Variants in EFR3A observed in about 807,000 individuals in gnomAD.
EFR3A encodes protein EFR3 homolog A.
EFR3A carries 76 observed loss-of-function variants against 104.4 expected under a neutral mutation model. The ratio of observed to expected loss-of-function variants is 0.73; its 90% confidence interval spans 0.60 to 0.88. The LOEUF (loss-of-function observed/expected upper bound fraction) is 0.88. Ranked by LOEUF, EFR3A falls within the 40% of genes least tolerant of loss-of-function variation. The pLI, the probability that EFR3A is intolerant of heterozygous loss-of-function variation, is 0.00. For missense variants in EFR3A, 985 were observed against 1,012.5 expected (o/e 0.97, Z 0.37); for synonymous variants, 330 against 330.0 (o/e 1.00, Z 0.00).
rs1586694833 is a variant in EFR3A at position 132,011,843 on chromosome 8, C to A, written c.*948C>A. The A allele has an allele frequency of 6.6e-6, 1 of 152,160 alleles. No individual in the cohort carries two copies. Among genetic ancestry groups the A allele is most frequent in the East Asian group, 1.9e-4 (1 of 5,194 alleles). The allele number at this position is 152,160 out of a possible 1,614,324, so 9.4% of individuals were successfully genotyped here. On this transcript the variant is annotated 3_prime_UTR_variant, in exon 23 of 23. Coordinates refer to ENST00000254624, the MANE Select transcript of EFR3A (RefSeq NM_015137.6). ...TTTAAATCCTCATAGTCAAAAAATTCTCCAGATGGACTTTTAATTTGTAAG... is the reference window on the plus strand; with the variant it reads ...TTTAAATCCTCATAGTCAAAAAATTATCCAGATGGACTTTTAATTTGTAAG...
intron 8 of EFR3A, among the ~76,000 whole-genome samples, chr8:131,963,961 A>T (rs560260825): frequency 1.3e-5 from 2 of 152,320 alleles, no homozygotes. Flanking sequence ...ACAGAACCAA[A>T]GACAAAAACC....
intron 3 of EFR3A, among the ~76,000 whole-genome samples, 185 bp from the exon 4 acceptor site, chr8:131,946,298 A>T (rs1015311848): frequency 6.6e-6 from 1 of 152,084 alleles, no homozygotes; most frequent in African/African-American, 2.4e-5. Flanking sequence ...CGATAAAAGG[A>T]TTATTTTATA....
At chr8:131,993,866 G>GTGGGAGCTGAATGA (rs1215536749) in intron 18 of EFR3A, among the ~76,000 whole-genome samples, 2 of 152,136 alleles carry the variant, frequency 1.3e-5, no homozygotes, top group African/African-American at 4.8e-5. Context: ...TCACTTGTAA[G>GTGGGAGCTGAATGA]TGGGAGCTGA....
At position 132,002,608 on chromosome 8, in the gene EFR3A, A is replaced by C; in HGVS notation, c.2212A>C (p.Ser738Arg). The change falls in exon 21 of 23, where the codon AGT becomes CGT. Residue 738 changes from serine to arginine, a missense_variant. Transcript: ENST00000254624. ...FEALKKAIDT[S>R]GMEEQEKEKR... ...CTTTATAAATATTTGTATAGATACC[A>C]GTGGAATGGAAGAACAGGAAAAGGA... 6.2e-7 allele frequency: 1 copy of C among 1,611,166 alleles called. No individual in the cohort carries two copies.
chr8:131,990,850 A>AT (rs1312310897), intron 18 of EFR3A, among the ~76,000 whole-genome samples: 7 of 152,088 alleles, frequency 4.6e-5, no homozygotes. Flanking sequence ...AAAGCCAGGG[A>AT]TTTTGTCCAG....
intron 1 of EFR3A, among the ~76,000 whole-genome samples, chr8:131,923,460 A>G (rs1421931305): frequency 1.3e-5 from 2 of 149,194 alleles, no homozygotes; most frequent in Non-Finnish European, 1.5e-5. Context: ...CTCTGTATAA[A>G]CTTCACGGCC....
chr8:131,953,448 C>T (rs1297463085), intron 5 of EFR3A, among the ~76,000 whole-genome samples: 1 of 151,996 alleles, frequency 6.6e-6, no homozygotes, highest in African/African-American at 2.4e-5. Flanking sequence ...GTGTTCAGAA[C>T]AGTGAAATCC....
chr8:131,993,740 T>C (rs1586666117), intron 18 of EFR3A, among the ~76,000 whole-genome samples: 1 of 150,078 alleles, frequency 6.7e-6, no homozygotes, highest in South Asian at 2.1e-4. Flanking sequence ...CTGCAAAAAG[T>C]TAAAACAAAA....
At chr8:131,960,044 T>G (rs959862309) in intron 8 of EFR3A, among the ~76,000 whole-genome samples, 2 of 152,148 alleles carry the variant, frequency 1.3e-5, no homozygotes, top group African/African-American at 4.8e-5. Flanking sequence ...TCTAGTCTCC[T>G]ATGTATACAA....
chr8:131,997,344 G>A (rs1821547766), intron 19 of EFR3A, among the ~76,000 whole-genome samples: 1 of 151,996 alleles, frequency 6.6e-6, no homozygotes, highest in African/African-American at 2.4e-5. Context: ...GCTGAATTAT[G>A]CTTTCTCAAG....
intron 8 of EFR3A, among the ~76,000 whole-genome samples, chr8:131,965,633 C>G (rs1173454423): frequency 6.6e-6 from 1 of 152,172 alleles, no homozygotes; most frequent in South Asian, 2.1e-4. Flanking sequence ...CTAGTTCAAC[C>G]ATTGTGGAAG....
intron 20 of EFR3A, 50 bp from the exon 21 acceptor site, chr8:132,002,553 C>T (rs758962716): frequency 6.8e-7 from 1 of 1,465,940 alleles, no homozygotes; most frequent in Admixed American, 1.8e-5. Context: ...TGACTGGGTT[C>T]TGTGAAATTA....
intron 1 of EFR3A, among the ~76,000 whole-genome samples, chr8:131,917,055 T>C (rs1391072379): frequency 3.3e-5 from 5 of 152,204 alleles, no homozygotes; most frequent in Non-Finnish European, 5.9e-5. Flanking sequence ...ATATATAAGC[T>C]AAAATAAATA....
At position 131,904,296 on chromosome 8, in the gene EFR3A, G is replaced by C. The variant is rs1212184630; in HGVS notation, c.-17G>C. 9 of 1,267,664 alleles carry C rather than the reference G, an allele frequency of 7.1e-6. No homozygotes were observed. Among genetic ancestry groups the C allele is most frequent in the Non-Finnish European group, 8.9e-6 (9 of 1,005,896 alleles). 78.5% of individuals were successfully genotyped at this position (1,267,664 alleles called of 1,614,324 possible). ...CCGCTGAGCCTCGGTGCGGCGGCGAGCGCGGTCGAGATCGCCATGCCTACC... is the reference window on the plus strand; with the variant it reads ...CCGCTGAGCCTCGGTGCGGCGGCGACCGCGGTCGAGATCGCCATGCCTACC... On this transcript the variant is annotated 5_prime_UTR_variant, in exon 1 of 23. Transcript: ENST00000254624.
intron 1 of EFR3A, among the ~76,000 whole-genome samples, chr8:131,918,559 C>T (rs1223175329): frequency 6.6e-6 from 1 of 152,116 alleles, no homozygotes; most frequent in Non-Finnish European, 1.5e-5. Context: ...AGAGAAATTA[C>T]TTAAAATATA....
Position 131,924,764 on chromosome 8 carries a change from TAG to T in EFR3A, c.11-15734_11-15733del, listed in dbSNP as rs565900950. Among the ~76,000 whole-genome samples, 727 of 152,244 alleles carry T rather than the reference TAG, an allele frequency of 4.8e-3. 6 individuals are homozygous for T. Among genetic ancestry groups the T allele is most frequent in the African/African-American group, 0.017 (697 of 41,564 alleles). ...TTTTCATCTTCTGGTCTGTAAGAAATAGTCGGTTCTACTCATTTCGTGTTCAT... is the reference window on the plus strand; with the variant it reads ...TTTTCATCTTCTGGTCTGTAAGAAATTCGGTTCTACTCATTTCGTGTTCAT... On this transcript the variant is annotated intron_variant, in intron 1 of 22. Coordinates refer to ENST00000254624, the MANE Select transcript of EFR3A (RefSeq NM_015137.6).
chr8:131,994,979 G>A (rs748941646), intron 18 of EFR3A, among the ~76,000 whole-genome samples: 1 of 152,102 alleles, frequency 6.6e-6, no homozygotes, highest in Non-Finnish European at 1.5e-5. Flanking sequence ...AGCCAGCTTG[G>A]CATCATTGTC....
chr8:131,936,328 G>A (rs1427561201), intron 1 of EFR3A, among the ~76,000 whole-genome samples: 1 of 152,072 alleles, frequency 6.6e-6, no homozygotes, highest in Non-Finnish European at 1.5e-5. Context: ...ACACTTCTGT[G>A]AACAAATGTG....
At chr8:131,905,144 A>G (rs2130352931) in intron 1 of EFR3A, among the ~76,000 whole-genome samples, 1 of 152,356 alleles carries the variant, frequency 6.6e-6, no homozygotes, top group East Asian at 1.9e-4. Context: ...TGTGCAAACT[A>G]GGGAAGCTCC....
Sources: gnomAD v4.1 joint callset for allele counts (sites outside exome capture counted in the v4.1 genomes callset) on GRCh38, gnomAD v4.1.1 for gene constraint, MANE v1.5 for transcripts, NCBI Gene and HGNC (gene_info 2026-07-23, HGNC 2026-07-21) for gene names.